Variants in MAST4 observed in about 807,000 individuals in gnomAD.
MAST4 encodes the protein microtubule-associated serine/threonine-protein kinase 4.
MAST4 carries 89 observed loss-of-function variants against 162.7 expected under a neutral mutation model. The ratio of observed to expected loss-of-function variants is 0.55; its 90% CI spans 0.46 to 0.65. The LOEUF is 0.65. Ranked by LOEUF, MAST4 falls within the 30% of genes least tolerant of loss-of-function variation. The probability of loss-of-function intolerance (pLI) is 0.00; values close to 1 mark genes in which losing one functional copy is unlikely to be tolerated. For synonymous variants in MAST4, 1,479 were observed against 1,361.1 expected, an observed-to-expected ratio of 1.09 and a Z score of -1.91; for missense variants, 3,153 against 3,374.0, an observed-to-expected ratio of 0.93 and a Z score of 1.62.
At chr5:66,701,637 CT>C (rs1346490263) in intron 1 of MAST4, among the ~76,000 whole-genome samples, 1 of 152,122 alleles carries the variant, frequency 6.6e-6, no homozygotes, top group Non-Finnish European at 1.5e-5. Context: ...GTTTTCTGAA[CT>C]TGGTTTTCTG....
At chr5:66,896,320 G>A (rs1762680443) in intron 3 of MAST4, among the ~76,000 whole-genome samples, 1 of 152,114 alleles carries the variant, frequency 6.6e-6, no homozygotes, top group Admixed American at 6.5e-5. Flanking sequence ...TCATATCAGA[G>A]GATAGCAGCA....
At chr5:66,938,232 A>T (rs549660489) in intron 4 of MAST4, among the ~76,000 whole-genome samples, 111 of 152,222 alleles carry the variant, frequency 7.3e-4, no homozygotes, top group Non-Finnish European at 1.3e-3. Context: ...TAATGCTTTT[A>T]CTGCCTTATT....
chr5:67,079,638 T>C (rs1387803366), intron 5 of MAST4, among the ~76,000 whole-genome samples: 1 of 152,198 alleles, frequency 6.6e-6, no homozygotes, highest in East Asian at 1.9e-4. Flanking sequence ...TTTTTCCATG[T>C]ATATATCATT....
intron 1 of MAST4, among the ~76,000 whole-genome samples, chr5:66,699,858 C>A (rs897500979): frequency 1.3e-5 from 2 of 151,884 alleles, no homozygotes; most frequent in Non-Finnish European, 2.9e-5. Flanking sequence ...AGCAAACCAC[C>A]GTGGCACACA....
intron 1 of MAST4, among the ~76,000 whole-genome samples, chr5:66,749,168 C>G (rs777834808): frequency 2.1e-4 from 32 of 152,050 alleles, no homozygotes; most frequent in Non-Finnish European, 4.3e-4. Context: ...ATCAGTATCA[C>G]TTGTTACTGA....
Position 67,010,004 on chromosome 5 carries a change from A to C in MAST4, c.675-44400A>C, listed in dbSNP as rs947555372. On this transcript the variant is annotated intron_variant, in intron 4 of 28. Coordinates refer to ENST00000403625, the MANE Select transcript of MAST4 (RefSeq NM_001164664.2). ...GGGTTTTTGACTCCAGGAACCAGGAAGAGGGAGGAACCACCTGTACTTATG... is the reference window on the plus strand; with the variant it reads ...GGGTTTTTGACTCCAGGAACCAGGACGAGGGAGGAACCACCTGTACTTATG... Among the ~76,000 whole-genome samples the C allele has an allele frequency of 9.2e-5, 14 of 152,220 alleles. No homozygotes were observed. In the East Asian group the frequency reaches 9.6e-4, roughly 10 times the overall value.
intron 3 of MAST4, among the ~76,000 whole-genome samples, chr5:66,799,277 T>C (rs1215156526): frequency 6.6e-6 from 1 of 152,192 alleles, no homozygotes; most frequent in African/African-American, 2.4e-5. Flanking sequence ...ACACTGCCTC[T>C]TCCTTGCCCT....
chr5:66,936,390 A>T (rs936203382), intron 4 of MAST4, among the ~76,000 whole-genome samples: 8 of 152,358 alleles, frequency 5.3e-5, no homozygotes, highest in African/African-American at 1.4e-4. Context: ...GAGACTACTG[A>T]ACAGGCTTTG....
At chr5:66,877,276 G>A (rs1327700930) in intron 3 of MAST4, among the ~76,000 whole-genome samples, 1 of 152,182 alleles carries the variant, frequency 6.6e-6, no homozygotes, top group Non-Finnish European at 1.5e-5. Flanking sequence ...CTGCTATGGG[G>A]AGCAATGGGA....
rs938406203 is a variant in MAST4 at position 66,829,681 on chromosome 5, T to A, written c.642+40887T>A. Among the ~76,000 whole-genome samples the A allele has an allele frequency of 6.7e-5, 10 of 148,202 alleles. No individual in the cohort carries two copies. In the Admixed American group the frequency reaches 6.8e-4, roughly 10 times the overall value. Reference sequence around the variant, plus strand: ...GTGAAAGAATCTAATCATTAGCCATTGTTAAACTCTTATATATTATTTTGA... The same window carrying A: ...GTGAAAGAATCTAATCATTAGCCATAGTTAAACTCTTATATATTATTTTGA... On this transcript the variant is annotated intron_variant, in intron 3 of 28. Coordinates refer to ENST00000403625, the MANE Select transcript of MAST4 (RefSeq NM_001164664.2).
intron 3 of MAST4, among the ~76,000 whole-genome samples, chr5:66,846,296 T>C (rs1289231538): frequency 2.0e-5 from 3 of 152,156 alleles, no homozygotes; most frequent in Admixed American, 6.6e-5. Flanking sequence ...AGCTCAGAGA[T>C]GGGTGTGGTT....
At chr5:66,899,042 G>C (rs1055203533) in intron 3 of MAST4, among the ~76,000 whole-genome samples, 2 of 152,082 alleles carry the variant, frequency 1.3e-5, no homozygotes, top group African/African-American at 4.8e-5. Flanking sequence ...AAATAAATGA[G>C]AATTATGGGC....
At chr5:66,769,111 A>G (rs1288805536) in intron 2 of MAST4, among the ~76,000 whole-genome samples, 1 of 152,222 alleles carries the variant, frequency 6.6e-6, no homozygotes, top group African/African-American at 2.4e-5. Flanking sequence ...TCATGAATTG[A>G]AAGTGAAGCC....
chr5:66,796,993 G>C (rs1251134498), intron 3 of MAST4, among the ~76,000 whole-genome samples: 1 of 152,190 alleles, frequency 6.6e-6, no homozygotes. Context: ...TGGTTAGGCT[G>C]TTCAGGATTT....
chr5:66,750,646 C>G (rs981799794), intron 1 of MAST4, among the ~76,000 whole-genome samples: 1 of 152,212 alleles, frequency 6.6e-6, no homozygotes, highest in African/African-American at 2.4e-5. Flanking sequence ...GAGGGTCCTA[C>G]GCCCACGGAG....
intron 4 of MAST4, chr5:66,959,333 C>T (rs777906171): frequency 6.4e-6 from 5 of 779,344 alleles, no homozygotes; most frequent in South Asian, 2.7e-5. Context: ...ATGCTTTCTG[C>T]ATGGCACTCG....
intron 4 of MAST4, among the ~76,000 whole-genome samples, chr5:66,919,821 T>C (rs992366798): frequency 6.6e-6 from 1 of 152,232 alleles, no homozygotes; most frequent in African/African-American, 2.4e-5. Flanking sequence ...CTGGATGTCA[T>C]GATTGAAATA....
intron 4 of MAST4, among the ~76,000 whole-genome samples, chr5:66,975,106 G>A (rs1244058749): frequency 1.3e-5 from 2 of 152,094 alleles, no homozygotes; most frequent in Admixed American, 1.3e-4. Context: ...TTGTGAGAGA[G>A]GCCAAGGGGG....
At chr5:66,951,101 A>G (rs1004149870) in intron 4 of MAST4, among the ~76,000 whole-genome samples, 3 of 152,204 alleles carry the variant, frequency 2.0e-5, no homozygotes, top group Admixed American at 6.5e-5. Flanking sequence ...CAGTGCTACT[A>G]TTAGAGGGCA....
Sources: gnomAD v4.1 joint callset for allele counts (sites outside exome capture counted in the v4.1 genomes callset) on GRCh38, gnomAD v4.1.1 for gene constraint, MANE v1.5 for transcripts, NCBI Gene and HGNC (gene_info 2026-07-23, HGNC 2026-07-21) for gene names.